FHAD1: variants seen among roughly 807,000 people sequenced by gnomAD.
The protein encoded by FHAD1 is forkhead associated phosphopeptide binding domain 1, also known as forkhead-associated domain-containing protein 1.
Under a neutral mutation model 191.3 loss-of-function variants are expected in FHAD1, and 146 were observed. The observed-to-expected ratio is 0.76, with a 90% CI of 0.67 to 0.88. FHAD1 has a LOEUF of 0.88. Among genes scored for constraint, FHAD1 ranks in the 40% least tolerant of loss-of-function variants. The pLI is 0.00. For synonymous variants in FHAD1, 616 were observed against 672.3 expected (o/e 0.92, Z 1.29); for missense variants, 1,635 against 1,785.8 (o/e 0.92, Z 1.52).
At chr1:15,240,493 T>C (rs1645220238) in intron 1 of FHAD1, among the ~76,000 whole-genome samples, 1 of 151,682 alleles carries the variant, frequency 6.6e-6, no homozygotes. Context: ...AAAATAGGCT[T>C]AGTGGTACAT....
intron 25 of FHAD1, among the ~76,000 whole-genome samples, chr1:15,368,758 A>G (rs1697275791): frequency 2.0e-5 from 3 of 152,182 alleles, no homozygotes; most frequent in Admixed American, 2.0e-4. Context: ...TGGCCAACAT[A>G]TAGTGAAACC....
chr1:15,320,778 C>T (rs913943978), intron 10 of FHAD1, among the ~76,000 whole-genome samples: 3 of 152,140 alleles, frequency 2.0e-5, no homozygotes, highest in Non-Finnish European at 2.9e-5. Context: ...AGGTTTTATA[C>T]AGTTTGACCA....
chr1:15,364,091 C>T (rs566581182), intron 23 of FHAD1: 10 of 245,630 alleles, frequency 4.1e-5, no homozygotes, highest in African/African-American at 6.8e-5. Context: ...ACTTCCTTGG[C>T]GTGTGAACAT....
intron 2 of FHAD1, among the ~76,000 whole-genome samples, chr1:15,253,735 C>A (rs545543242): frequency 6.6e-6 from 1 of 152,174 alleles, no homozygotes; most frequent in Non-Finnish European, 1.5e-5. Flanking sequence ...GTTACCATGT[C>A]ATCTGCAAAT....
At chr1:15,265,646 A>G (rs1216512292) in intron 2 of FHAD1, among the ~76,000 whole-genome samples, 1 of 152,166 alleles carries the variant, frequency 6.6e-6, no homozygotes, top group Non-Finnish European at 1.5e-5. Flanking sequence ...AACAAAATGT[A>G]ACACATAGAA....
At chr1:15,369,317 A>C (rs1697439275) in intron 25 of FHAD1, 53 bp from the exon 26 acceptor site, 2 of 1,545,554 alleles carry the variant, frequency 1.3e-6, no homozygotes, top group Admixed American at 4.0e-5. Flanking sequence ...ATGAGTGTAA[A>C]AGTAATTTGT....
intron 2 of FHAD1, among the ~76,000 whole-genome samples, chr1:15,253,885 G>A (rs1460043380): frequency 3.9e-5 from 6 of 152,092 alleles, no homozygotes; most frequent in Non-Finnish European, 8.8e-5. Flanking sequence ...CTTGTTCCTG[G>A]TTTTAAGGGA....
intron 18 of FHAD1, among the ~76,000 whole-genome samples, chr1:15,345,808 T>G (rs1332507698): frequency 6.6e-6 from 1 of 152,168 alleles, no homozygotes; most frequent in African/African-American, 2.4e-5. Flanking sequence ...GGGCGTCTTC[T>G]GTGTTCCAAA....
At chr1:15,350,268 G>A (rs1690382645) in intron 19 of FHAD1, among the ~76,000 whole-genome samples, 1 of 152,262 alleles carries the variant, frequency 6.6e-6, no homozygotes. Flanking sequence ...AGGGGAGACA[G>A]ACAGCCTGCG....
chr1:15,283,040 G>C (rs1661145269), intron 3 of FHAD1, among the ~76,000 whole-genome samples: 3 of 152,252 alleles, frequency 2.0e-5, no homozygotes, highest in South Asian at 2.1e-4. Context: ...AGTGCGCCCA[G>C]AGTAGCAGCT....
chr1:15,329,653 A>G lies in FHAD1; in HGVS notation c.1906+112A>G, dbSNP rs542929774. 35 of 962,202 alleles carry G rather than the reference A, an allele frequency of 3.6e-5. No individual in the cohort carries two copies. Among genetic ancestry groups the G allele is most frequent in the African/African-American group, 4.9e-5 (3 of 61,540 alleles). The allele number at this position is 962,202 out of a possible 1,614,324, so 59.6% of individuals were successfully genotyped here. A position where few individuals can be genotyped will look rare whatever the true frequency, so the allele number is the denominator to read the frequency against. On this transcript the variant is annotated intron_variant, in intron 14 of 33. Coordinates refer to ENST00000688493, the MANE Select transcript of FHAD1 (RefSeq NM_001391957.1). The surrounding 1 kb of genome is among the most constrained non-coding windows in gnomAD (Gnocchi z 5.0). ...TCTTCCTGGGTATCTGGCCAAGTCT[A>G]TTCCCTTCTCCAGAACCCCCTGCTT...
rs552564683 is a variant in FHAD1, at chr1:15,352,900, C to A, written c.2478C>A (p.Tyr826Ter). ...AGATCTCAGAGAGCAACATTGCGTA[C>A]GAGAAACGCAAAGCAAAGGAGGCCA... Reference protein sequence around the residue: ...QKEISESNIAYEKRKAKEAME... With the variant: ...QKEISESNIA The change falls in exon 20 of 34, where the codon TAC becomes TAA. Residue 826 changes from tyrosine (Y) to a stop codon, truncating the protein, a stop_gained. Coordinates refer to ENST00000688493, the MANE Select transcript of FHAD1 (RefSeq NM_001391957.1). LOFTEE classifies it high-confidence loss of function. 6 of 1,550,966 alleles carry A rather than the reference C, an allele frequency of 3.9e-6. No homozygotes were observed. Among genetic ancestry groups the A allele is most frequent in the South Asian group, 1.2e-5 (1 of 84,020 alleles).
rs977183145 is a variant in FHAD1, at chr1:15,311,783, C to A, written c.1040-1274C>A. Among the ~76,000 whole-genome samples the A allele has an allele frequency of 6.6e-6, 1 of 152,180 alleles. No individual in the cohort carries two copies. The highest frequency in any genetic ancestry group is 1.5e-5 in the Non-Finnish European group (1 of 68,040). Reference sequence around the variant, plus strand: ...ATGTGATAATACAATAATATATTGACTATCTGCTGTCACATAAGTTATCCC... The same window carrying A: ...ATGTGATAATACAATAATATATTGAATATCTGCTGTCACATAAGTTATCCC... On this transcript the variant is annotated intron_variant, in intron 7 of 33. Coordinates refer to ENST00000688493, the MANE Select transcript of FHAD1 (RefSeq NM_001391957.1). The surrounding 1 kb of genome is among the most constrained non-coding windows in gnomAD (Gnocchi z 4.1).
intron 2 of FHAD1, among the ~76,000 whole-genome samples, chr1:15,255,049 C>G (rs766314328): frequency 1.4e-4 from 21 of 150,788 alleles, no homozygotes; most frequent in Non-Finnish European, 2.2e-4. Flanking sequence ...AGTAATAATT[C>G]AACAGTCAAT....
Position 15,251,496 on chromosome 1 carries a change from T to C in FHAD1, c.-14-275T>C, listed in dbSNP as rs533663309. On this transcript the variant is annotated intron_variant, in intron 1 of 33. Coordinates refer to ENST00000688493, the MANE Select transcript of FHAD1 (RefSeq NM_001391957.1). ...AGATTTGTTGTCAGGTTGTTTTAGC[T>C]TTTGTTTGTGTCCTGAGTTACTTAA... Among the ~76,000 whole-genome samples, 8 of 151,540 alleles carry C rather than the reference T, an allele frequency of 5.3e-5. No individual in the cohort carries two copies. In the East Asian group the frequency reaches 1.5e-3, roughly 29 times the overall value.
intron 4 of FHAD1, 116 bp from the exon 5 acceptor site, chr1:15,296,568 A>G (rs918380035): frequency 6.8e-6 from 7 of 1,033,410 alleles, no homozygotes; most frequent in Middle Eastern, 2.0e-4. Flanking sequence ...TTTTTAAATT[A>G]CATAAAATAT....
intron 17 of FHAD1, 103 bp downstream of exon 17, chr1:15,345,293 G>A: frequency 1.5e-6 from 2 of 1,349,006 alleles, no homozygotes; most frequent in South Asian, 1.3e-5. Flanking sequence ...CTCCAGGGCT[G>A]TGCTGTCCAC....
chr1:15,254,488 A>G (rs1358620363), intron 2 of FHAD1, among the ~76,000 whole-genome samples: 1 of 111,984 alleles, frequency 8.9e-6, no homozygotes, highest in African/African-American at 4.0e-5. Flanking sequence ...TAAAGTGGAG[A>G]CTGAGAATTT....
chr1:15,326,847 C>G, intron 11 of FHAD1: 1 of 534,040 alleles, frequency 1.9e-6, no homozygotes, highest in South Asian at 2.6e-5. Context: ...GTTAGGCAGG[C>G]GTGCCTAAAA....
Sources: allele counts gnomAD v4.1 joint callset (sites outside exome capture counted in the v4.1 genomes callset), GRCh38; gene constraint gnomAD v4.1.1; non-coding constraint Gnocchi (gnomAD v3.1); transcripts MANE v1.5; gene names NCBI Gene and HGNC (gene_info 2026-07-23, HGNC 2026-07-21).